The following PRKCZ variants were observed in gnomAD, a reference collection of about 807,000 sequenced individuals.
PRKCZ encodes protein kinase C zeta type.
PRKCZ carries 33 observed loss-of-function variants against 79.5 expected under a neutral mutation model. That is an observed-to-expected ratio of 0.41 (90% CI 0.31 to 0.55). The LOEUF is 0.55. Ranked by LOEUF, PRKCZ falls within the 20% of genes least tolerant of loss-of-function variation. The pLI is 0.19. For missense variants in PRKCZ, 578 were observed against 813.5 expected (o/e 0.71, Z 3.52); for synonymous variants, 342 against 320.9 (o/e 1.07, Z -0.70).
intron 16 of PRKCZ, 71 bp from the exon 17 acceptor site, chr1:2,184,512 C>T (rs1231573434): frequency 1.7e-5 from 19 of 1,086,432 alleles, no homozygotes; most frequent in Admixed American, 2.3e-5. Flanking sequence ...GATTGAAGTG[C>T]GTGCAAAACA....
In PRKCZ at chr1:2,050,520, G is replaced by C. The variant is rs1378178165; in HGVS notation, c.-111G>C. The C allele has an allele frequency of 3.1e-6, 2 of 640,236 alleles. No homozygotes were observed. The highest frequency in any genetic ancestry group is 4.3e-6 in the Non-Finnish European group (2 of 462,944). 39.7% of individuals were successfully genotyped at this position (640,236 alleles called of 1,614,324 possible). A position where few individuals can be genotyped will look rare whatever the true frequency, so the allele number is the denominator to read the frequency against. ...GGAGTTGACCGGGTCGGCGCCGTCG[G>C]TCCTGAGCGCTGCCTTCCGCGTTCC... On this transcript the variant is annotated 5_prime_UTR_variant, in exon 1 of 18. Coordinates refer to ENST00000378567, the MANE Select transcript of PRKCZ (RefSeq NM_002744.6).
In PRKCZ at chr1:2,176,848, C is replaced by T. The variant is rs533932778; in HGVS notation, c.1575+1535C>T. 1.4e-4 allele frequency among the ~76,000 whole-genome samples: 21 copies of T among 152,352 alleles called. 1 individual carries two copies. The South Asian group carries it at 3.5e-3, about 26-fold the overall frequency. On this transcript the variant is annotated intron_variant, in intron 16 of 17. Coordinates refer to ENST00000378567, the MANE Select transcript of PRKCZ (RefSeq NM_002744.6). ...AAGTGGTCAGAACGTGCCCACACCC[C>T]TTCCTACATACAGCCCTTCCAGAGC...
At chr1:2,066,313 A>C (rs1661118704) in intron 4 of PRKCZ, among the ~76,000 whole-genome samples, 2 of 152,188 alleles carry the variant, frequency 1.3e-5, no homozygotes, top group Non-Finnish European at 2.9e-5. Context: ...TTGCCTGTGA[A>C]GACATCAGTC....
chr1:2,092,153 C>A (rs1208230120), intron 4 of PRKCZ, among the ~76,000 whole-genome samples: 1 of 152,202 alleles, frequency 6.6e-6, no homozygotes, highest in Non-Finnish European at 1.5e-5. Flanking sequence ...CCCCTTGGCT[C>A]CGGCCCCGTC....
intron 17 of PRKCZ, 53 bp from the exon 18 acceptor site, chr1:2,184,869 C>A: frequency 6.6e-7 from 1 of 1,513,404 alleles, no homozygotes; most frequent in Non-Finnish European, 9.1e-7. Context: ...CCGCTTCCCC[C>A]AAGGGAATGA....
chr1:2,154,531 C>A (rs1173626903), intron 9 of PRKCZ, among the ~76,000 whole-genome samples: 2 of 152,136 alleles, frequency 1.3e-5, no homozygotes, highest in African/African-American at 2.4e-5. Context: ...ACAGTAAGAC[C>A]CTGCCTCTAC....
chr1:2,095,985 G>A (rs12123775), intron 4 of PRKCZ, among the ~76,000 whole-genome samples: 2,291 of 148,480 alleles, frequency 0.015, 28 homozygotes, highest in Non-Finnish European at 0.025. Context: ...AGGGGCCAGG[G>A]CAGGGCTGGC....
At chr1:2,158,069 C>A (rs1681455346) in intron 10 of PRKCZ, among the ~76,000 whole-genome samples, 1 of 141,880 alleles carries the variant, frequency 7.0e-6, no homozygotes. Context: ...CTGTGCTTGG[C>A]AGCCACCTCT....
intron 10 of PRKCZ, among the ~76,000 whole-genome samples, chr1:2,163,815 C>T (rs564383536): frequency 6.0e-4 from 91 of 151,882 alleles, no homozygotes; most frequent in South Asian, 1.7e-3. Flanking sequence ...AGGAGAATGG[C>T]GTGAACCCGG....
rs1662229709 is a variant in PRKCZ at position 2,075,479 on chromosome 1, G to A, written c.334+15888G>A. On this transcript the variant is annotated intron_variant, in intron 4 of 17. Coordinates refer to ENST00000378567, the MANE Select transcript of PRKCZ (RefSeq NM_002744.6). The surrounding 1 kb of genome is among the most constrained non-coding windows in gnomAD (Gnocchi z 4.8). ...TGCCGGGGCCGGCTGTGGTACCTGTGTCTGTGTCTCGGCCAGATCGGCACA... is the reference window on the plus strand; with the variant it reads ...TGCCGGGGCCGGCTGTGGTACCTGTATCTGTGTCTCGGCCAGATCGGCACA... 1.3e-5 allele frequency: 2 copies of A among 152,220 alleles called. No homozygotes were observed. Among genetic ancestry groups the A allele is most frequent in the Admixed American group, 1.3e-4 (2 of 15,286 alleles). 9.4% of individuals were successfully genotyped at this position (152,220 alleles called of 1,614,324 possible).
At chr1:2,077,685 C>G (rs1157939733) in intron 4 of PRKCZ, among the ~76,000 whole-genome samples, 2 of 152,222 alleles carry the variant, frequency 1.3e-5, no homozygotes, top group Non-Finnish European at 1.5e-5. Flanking sequence ...CCCTGCTGCC[C>G]CAGCTCCACT....
rs536513803 is a variant in PRKCZ, at chr1:2,118,274, G to C, written c.335-16988G>C. ...GGCCTCCCAAAGTGCTGGGATTACA[G>C]GTGTGAGCCACCATGCCTGGCCATA... On this transcript the variant is annotated intron_variant, in intron 4 of 17. Coordinates refer to ENST00000378567, the MANE Select transcript of PRKCZ (RefSeq NM_002744.6). 2.6e-5 allele frequency among the ~76,000 whole-genome samples: 4 copies of C among 151,774 alleles called. No homozygotes were observed. The East Asian group carries it at 7.7e-4, about 29-fold the overall frequency.
intron 4 of PRKCZ, among the ~76,000 whole-genome samples, chr1:2,081,672 G>A (rs1398407320): frequency 6.6e-6 from 1 of 152,158 alleles, no homozygotes; most frequent in Non-Finnish European, 1.5e-5. Flanking sequence ...GCGGTTGGGG[G>A]ACTGACCCCG....
At chr1:2,067,717 C>T (rs1481803888) in intron 4 of PRKCZ, among the ~76,000 whole-genome samples, 1 of 152,204 alleles carries the variant, frequency 6.6e-6, no homozygotes, top group Non-Finnish European at 1.5e-5. Context: ...CCGTTCACTG[C>T]AGTGCCGGGT....
chr1:2,069,275 G>A (rs1248508949), intron 4 of PRKCZ, among the ~76,000 whole-genome samples: 3 of 152,126 alleles, frequency 2.0e-5, no homozygotes, highest in Non-Finnish European at 4.4e-5. Flanking sequence ...CAGCCATGGT[G>A]GTCCCTTTGG....
intron 5 of PRKCZ, among the ~76,000 whole-genome samples, chr1:2,136,132 C>T (rs2103036000): frequency 6.6e-6 from 1 of 152,344 alleles, no homozygotes; most frequent in South Asian, 2.1e-4. Flanking sequence ...GTGTCAACCT[C>T]CGCTGGGTGT....
chr1:2,054,048 G>T (rs1246089003), intron 1 of PRKCZ, among the ~76,000 whole-genome samples: 2 of 152,210 alleles, frequency 1.3e-5, no homozygotes, highest in Non-Finnish European at 2.9e-5. Context: ...GCCCTGGGCT[G>T]CTGTGTCAGG....
At chr1:2,051,092 C>G (rs889269717) in intron 1 of PRKCZ, 1 of 163,726 alleles carries the variant, frequency 6.1e-6, no homozygotes, top group African/African-American at 2.4e-5. Flanking sequence ...ACGTTCTCCA[C>G]GTTTACCCGG....
intron 4 of PRKCZ, among the ~76,000 whole-genome samples, chr1:2,071,051 C>CACCTGGGAGTGTG (rs1553132343): frequency 2.0e-5 from 3 of 151,682 alleles, no homozygotes; most frequent in Non-Finnish European, 4.4e-5. Flanking sequence ...GCAGCCAGTA[C>CACCTGGGAGTGTG]ACCTGGGCGT....
Sources: gnomAD v4.1 joint callset for allele counts (sites outside exome capture counted in the v4.1 genomes callset) on GRCh38, gnomAD v4.1.1 for gene constraint, Gnocchi (gnomAD v3.1) non-coding constraint, MANE v1.5 for transcripts, NCBI Gene and HGNC (gene_info 2026-07-23, HGNC 2026-07-21) for gene names.